Variants in FGF14 observed in about 807,000 individuals in gnomAD.
The protein encoded by FGF14 is fibroblast growth factor homologous factor 4.
FGF14 carries 5 observed loss-of-function variants against 25.5 expected under a neutral mutation model. That is an observed-to-expected ratio of 0.20 (90% CI 0.10 to 0.41). The LOEUF is 0.41. FGF14 is among the 10% of genes least tolerant of loss of function. FGF14 has a pLI of 1.00. For synonymous variants in FGF14, 138 were observed against 118.3 expected (o/e 1.17, Z -1.08); for missense variants, 222 against 320.1 (o/e 0.69, Z 2.34).
intron 1 of FGF14, among the ~76,000 whole-genome samples, chr13:102,042,772 G>T (rs1595087801): frequency 1.3e-5 from 2 of 152,314 alleles, no homozygotes; most frequent in East Asian, 3.9e-4. Flanking sequence ...GAGAACTCAT[G>T]TTTTTAGTGA....
In FGF14 at chr13:102,197,386, T is replaced by C. The variant is rs148650075; in HGVS notation, c.208+204085A>G. Reference sequence around the variant, plus strand: ...CTGGAAGGTATCCTGGCCTGGAAAGTACAAATTGAGCTCTAGGTGGGGCTC... The same window carrying C: ...CTGGAAGGTATCCTGGCCTGGAAAGCACAAATTGAGCTCTAGGTGGGGCTC... On this transcript the variant is annotated intron_variant, in intron 1 of 4. Coordinates refer to the FGF14 transcript ENST00000376131. Among the ~76,000 whole-genome samples the C allele has an allele frequency of 6.1e-3, 935 of 152,166 alleles. 2 individuals carry two copies. Among genetic ancestry groups the C allele is most frequent in the Non-Finnish European group, 0.01 (692 of 67,994 alleles).
chr13:101,996,329 G>A (rs2039185471), intron 1 of FGF14, among the ~76,000 whole-genome samples: 1 of 152,122 alleles, frequency 6.6e-6, no homozygotes, highest in Non-Finnish European at 1.5e-5. Flanking sequence ...TGTGTTGATG[G>A]AGAAACTTTC....
In FGF14 at chr13:101,719,602, A is replaced by C. The variant is rs2034853702; in HGVS notation, c.*3229T>G. 6.6e-6 allele frequency: 1 copy of C among 152,130 alleles called. No homozygotes were observed. The highest frequency in any genetic ancestry group is 2.4e-5 in the African/African-American group (1 of 41,448). The allele number at this position is 152,130 out of a possible 1,614,324, so 9.4% of individuals were successfully genotyped here. A position where few individuals can be genotyped will look rare whatever the true frequency, so the allele number is the denominator to read the frequency against. On this transcript the variant is annotated 3_prime_UTR_variant, in exon 5 of 5. Transcript: ENST00000376143. ...AGAAAACAAAAATGTTGTCACTTGAAATACCAAAACAACATTTCTGAGCGT... is the reference window on the plus strand; with the variant it reads ...AGAAAACAAAAATGTTGTCACTTGACATACCAAAACAACATTTCTGAGCGT...
In FGF14 at chr13:101,718,815, T is replaced by C. The variant is rs1454305331; in HGVS notation, c.*4016A>G. The C allele has an allele frequency of 6.6e-6, 1 of 151,916 alleles. No individual in the cohort carries two copies. Among genetic ancestry groups the C allele is most frequent in the African/African-American group, 2.4e-5 (1 of 41,376 alleles). The allele number at this position is 151,916 out of a possible 1,614,324, so 9.4% of individuals were successfully genotyped here. A position where few individuals can be genotyped will look rare whatever the true frequency, so the allele number is the denominator to read the frequency against. On this transcript the variant is annotated 3_prime_UTR_variant, in exon 5 of 5. Transcript: ENST00000376143. ...AAAAAACTAAAATATAACTCAGCCT[T>C]AGTTTGCAGACTCAACTGTCAACAC...
chr13:101,738,876 CAT>C (rs1248270980), intron 3 of FGF14, among the ~76,000 whole-genome samples: 1 of 150,662 alleles, frequency 6.6e-6, no homozygotes, highest in African/African-American at 2.4e-5. Flanking sequence ...CACACACACA[CAT>C]ACACCAATTG....
intron 3 of FGF14, among the ~76,000 whole-genome samples, chr13:101,812,640 TATATATATA>T (rs1253771058): frequency 1.5e-3 from 20 of 13,592 alleles, no homozygotes; most frequent in African/African-American, 1.7e-3. Context: ...TATATATATA[TATATATATA>T]TATATTTTTT....
At chr13:102,243,723 C>A in intron 1 of FGF14, among the ~76,000 whole-genome samples, 1 of 149,724 alleles carries the variant, frequency 6.7e-6, no homozygotes. Flanking sequence ...TATGACAATC[C>A]ACCACATGAT....
intron 1 of FGF14, among the ~76,000 whole-genome samples, chr13:102,244,319 T>A (rs2141040435): frequency 6.6e-6 from 1 of 152,104 alleles, no homozygotes; most frequent in East Asian, 1.9e-4. Context: ...AGAAATCTCA[T>A]CCCTGATACA....
upstream of FGF14, among the ~76,000 whole-genome samples, chr13:101,918,695 G>A (rs1234022438): frequency 6.6e-6 from 1 of 152,208 alleles, no homozygotes; most frequent in Non-Finnish European, 1.5e-5. Flanking sequence ...AGCCACTGCT[G>A]GGCTGTTGTT....
chr13:101,868,975 T>C (rs1171219929), intron 2 of FGF14, 147 bp from the exon 3 acceptor site: 3 of 672,142 alleles, frequency 4.5e-6, no homozygotes, highest in Non-Finnish European at 8.0e-6. Flanking sequence ...TATTTTGCTT[T>C]ATAAGTAAGA....
At chr13:101,743,511 T>C (rs2036688054) in intron 3 of FGF14, among the ~76,000 whole-genome samples, 1 of 152,194 alleles carries the variant, frequency 6.6e-6, no homozygotes, top group African/African-American at 2.4e-5. Context: ...GTCTAATTTG[T>C]AACAAAATAT....
intron 1 of FGF14, among the ~76,000 whole-genome samples, chr13:102,347,854 T>C (rs1439189333): frequency 2.0e-5 from 3 of 152,110 alleles, no homozygotes; most frequent in African/African-American, 4.8e-5. Flanking sequence ...TTTAGCAACA[T>C]GCAGCAAAGG....
At chr13:102,268,905 A>T (rs962361290) in intron 1 of FGF14, among the ~76,000 whole-genome samples, 1 of 152,182 alleles carries the variant, frequency 6.6e-6, no homozygotes, top group African/African-American at 2.4e-5. Context: ...TAACAAGAAG[A>T]TCATTCAATA....
intron 3 of FGF14, among the ~76,000 whole-genome samples, chr13:101,828,895 C>G (rs2042536502): frequency 6.6e-6 from 1 of 152,082 alleles, no homozygotes; most frequent in African/African-American, 2.4e-5. Context: ...TTCCCTCACA[C>G]CTTTCCTGTC....
intron 1 of FGF14, among the ~76,000 whole-genome samples, chr13:102,055,381 C>T (rs2042384607): frequency 6.6e-6 from 1 of 152,212 alleles, no homozygotes; most frequent in African/African-American, 2.4e-5. Flanking sequence ...GGATTAATCT[C>T]TGTCTCTTTG....
intron 1 of FGF14, among the ~76,000 whole-genome samples, chr13:102,190,147 A>G (rs2049064554): frequency 6.6e-6 from 1 of 152,146 alleles, no homozygotes; most frequent in Non-Finnish European, 1.5e-5. Context: ...AAAAAACAGA[A>G]AAAAAGAAAC....
chr13:102,035,247 G>A (rs1162237052), intron 1 of FGF14, among the ~76,000 whole-genome samples: 1 of 152,126 alleles, frequency 6.6e-6, no homozygotes, highest in Non-Finnish European at 1.5e-5. Flanking sequence ...AGCATAGAAA[G>A]AGGCAATAGA....
chr13:101,917,033 G>A (rs1235635112), upstream of FGF14, among the ~76,000 whole-genome samples: 3 of 151,540 alleles, frequency 2.0e-5, no homozygotes, highest in Admixed American at 6.6e-5. Context: ...CCCGGCTCCC[G>A]GGCGGGAGGT....
chr13:102,199,950 A>G (rs1444801494), intron 1 of FGF14, among the ~76,000 whole-genome samples: 2 of 152,176 alleles, frequency 1.3e-5, no homozygotes, highest in Non-Finnish European at 2.9e-5. Flanking sequence ...CTTGTCCTGG[A>G]TTAAGAAAAT....
Sources: gnomAD v4.1 joint callset for allele counts (sites outside exome capture counted in the v4.1 genomes callset) on GRCh38, gnomAD v4.1.1 for gene constraint, MANE v1.5 for transcripts, NCBI Gene and HGNC (gene_info 2026-07-23, HGNC 2026-07-21) for gene names.